Variants in CDH13 observed in about 807,000 individuals in gnomAD.
CDH13 encodes the protein cadherin-13.
A neutral mutation model predicts 63.8 loss-of-function variants in CDH13; 24 were observed. The observed-to-expected ratio is 0.38, with a 90% CI of 0.27 to 0.53. The LOEUF is 0.53. CDH13 is among the 20% of genes least tolerant of loss of function. The probability of loss-of-function intolerance (pLI) is 0.85; values close to 1 mark genes in which losing one functional copy is unlikely to be tolerated. For missense variants in CDH13, 1,049 were observed against 903.1 expected, an observed-to-expected ratio of 1.16 and a Z score of -2.07; for synonymous variants, 503 against 355.3, an observed-to-expected ratio of 1.42 and a Z score of -4.67.
At chr16:83,683,051 C>T (rs1263160601) in intron 10 of CDH13, among the ~76,000 whole-genome samples, 1 of 152,212 alleles carries the variant, frequency 6.6e-6, no homozygotes, top group Non-Finnish European at 1.5e-5. Context: ...TGACCGCGGC[C>T]AGACACCCTT....
At chr16:82,795,922 G>GA (rs1437690864) in intron 1 of CDH13, among the ~76,000 whole-genome samples, 1 of 148,588 alleles carries the variant, frequency 6.7e-6, no homozygotes, top group East Asian at 2.0e-4. Flanking sequence ...TAACACAGTG[G>GA]AAAAAAAGGC....
chr16:82,949,564 C>G (rs1905086117), intron 2 of CDH13, among the ~76,000 whole-genome samples: 1 of 152,130 alleles, frequency 6.6e-6, no homozygotes, highest in South Asian at 2.1e-4. Context: ...TCAATGCGTG[C>G]ATTTGTTTTT....
At chr16:82,690,028 C>T (rs1420916578) in intron 1 of CDH13, among the ~76,000 whole-genome samples, 1 of 96,438 alleles carries the variant, frequency 1.0e-5, no homozygotes, top group African/African-American at 4.1e-5. Flanking sequence ...ATTAGCCAGG[C>T]ATGGTGTTGC....
chr16:83,095,959 G>A (rs776395101), intron 3 of CDH13, among the ~76,000 whole-genome samples: 1 of 152,212 alleles, frequency 6.6e-6, no homozygotes, highest in Non-Finnish European at 1.5e-5. Flanking sequence ...TCACCGGAAG[G>A]CAGAGTTTTT....
At chr16:82,887,256 T>C (rs565426096) in intron 2 of CDH13, among the ~76,000 whole-genome samples, 1 of 152,320 alleles carries the variant, frequency 6.6e-6, no homozygotes, top group South Asian at 2.1e-4. Context: ...GTGTTGTGAC[T>C]ACTACACAAA....
intron 6 of CDH13, among the ~76,000 whole-genome samples, chr16:83,365,590 C>T (rs2091244054): frequency 6.6e-6 from 1 of 152,136 alleles, no homozygotes; most frequent in Admixed American, 6.5e-5. Flanking sequence ...AGGAGACTTT[C>T]TTAGTGTAAT....
At chr16:82,962,782 A>G (rs1907218660) in intron 2 of CDH13, among the ~76,000 whole-genome samples, 1 of 152,198 alleles carries the variant, frequency 6.6e-6, no homozygotes, top group African/African-American at 2.4e-5. Flanking sequence ...GTATCTTGTA[A>G]CAGTAATGAG....
chr16:82,737,362 A>G (rs1567482509), intron 1 of CDH13, among the ~76,000 whole-genome samples: 2 of 152,036 alleles, frequency 1.3e-5, no homozygotes, highest in African/African-American at 4.8e-5. Context: ...CCATCACTAT[A>G]TTTTTCTCCT....
At chr16:83,467,228 C>T (rs372496765) in intron 6 of CDH13, among the ~76,000 whole-genome samples, 25 of 152,184 alleles carry the variant, frequency 1.6e-4, no homozygotes, top group African/African-American at 4.6e-4. Context: ...AACAAATACA[C>T]CGTGCACATT....
At chr16:83,666,791 C>T (rs945590079) in intron 8 of CDH13, among the ~76,000 whole-genome samples, 2 of 152,154 alleles carry the variant, frequency 1.3e-5, no homozygotes, top group Admixed American at 1.3e-4. Flanking sequence ...ATGATCCTCT[C>T]CAGACTGGAT....
intron 4 of CDH13, among the ~76,000 whole-genome samples, chr16:83,215,571 T>G (rs937895344): frequency 1.3e-5 from 2 of 151,328 alleles, no homozygotes; most frequent in Non-Finnish European, 2.9e-5. Flanking sequence ...TCATGCTGCC[T>G]TAGGCACCAT....
At chr16:82,928,844 T>C (rs2325691) in intron 2 of CDH13, among the ~76,000 whole-genome samples, 56,410 of 152,156 alleles carry the variant, frequency 0.37, 11,596 homozygotes, top group Non-Finnish European at 0.47. Context: ...TGAGATGAAC[T>C]GAAAACACTT....
At chr16:83,132,180 A>C (rs1252416691) in intron 4 of CDH13, among the ~76,000 whole-genome samples, 2 of 152,106 alleles carry the variant, frequency 1.3e-5, no homozygotes, top group Admixed American at 6.5e-5. Context: ...ATATCCTTAG[A>C]GGCTGAACCA....
intron 6 of CDH13, among the ~76,000 whole-genome samples, chr16:83,373,876 G>A (rs2091416105): frequency 1.3e-5 from 2 of 152,160 alleles, no homozygotes; most frequent in South Asian, 4.1e-4. Context: ...GGGAGGAACA[G>A]AGACCACCAG....
intron 6 of CDH13, among the ~76,000 whole-genome samples, chr16:83,421,372 G>C (rs548041296): frequency 2.1e-4 from 32 of 152,296 alleles, no homozygotes; most frequent in African/African-American, 7.0e-4. Context: ...GCAGTTAAGA[G>C]TGTTTCAGCA....
intron 1 of CDH13, among the ~76,000 whole-genome samples, chr16:82,848,874 G>C (rs968432396): frequency 6.6e-6 from 1 of 152,188 alleles, no homozygotes; most frequent in African/African-American, 2.4e-5. Flanking sequence ...AAAAGCTGAG[G>C]TAGGCTGAAA....
chr16:83,395,999 C>G (rs1402408701), intron 6 of CDH13, among the ~76,000 whole-genome samples: 1 of 152,132 alleles, frequency 6.6e-6, no homozygotes, highest in Non-Finnish European at 1.5e-5. Flanking sequence ...TATATGTCCA[C>G]GTGTTCTCAT....
chr16:83,353,053 A>T (rs2090988343), intron 6 of CDH13, among the ~76,000 whole-genome samples: 1 of 152,138 alleles, frequency 6.6e-6, no homozygotes, highest in African/African-American at 2.4e-5. Context: ...GGAATAATAG[A>T]CTTTGGAGAC....
At chr16:82,885,362 A>C (rs2040846956) in intron 2 of CDH13, among the ~76,000 whole-genome samples, 1 of 152,144 alleles carries the variant, frequency 6.6e-6, no homozygotes, top group African/African-American at 2.4e-5. Context: ...CTTTCATGAC[A>C]GCTTCATCCA....
Sources: gnomAD v4.1 joint callset for allele counts (sites outside exome capture counted in the v4.1 genomes callset) on GRCh38, gnomAD v4.1.1 for gene constraint, MANE v1.5 for transcripts, NCBI Gene and HGNC (gene_info 2026-07-23, HGNC 2026-07-21) for gene names.